CAPN1: variants seen among roughly 807,000 people sequenced by gnomAD.
The protein encoded by CAPN1 is calpain-1 catalytic subunit.
A neutral mutation model predicts 105.2 loss-of-function variants in CAPN1; 77 were observed. That is an observed-to-expected ratio of 0.73 (90% CI 0.61 to 0.88). The LOEUF (loss-of-function observed/expected upper bound fraction) is 0.88. CAPN1 is among the 40% of genes least tolerant of loss of function. The pLI is 0.00. For synonymous variants in CAPN1, 355 were observed against 388.8 expected (o/e 0.91, Z 1.02); for missense variants, 833 against 976.6 (o/e 0.85, Z 1.96).
chr11:65,205,907 G>C, intron 12 of CAPN1, 186 bp downstream of exon 12: 1 of 615,450 alleles, frequency 1.6e-6, no homozygotes, highest in Non-Finnish European at 2.9e-6. Context: ...GGTCAGCACA[G>C]GTAGTCAGTG....
Position 65,211,301 on chromosome 11 carries a change from C to G in CAPN1, c.*15C>G, listed in dbSNP as rs1949045543. The G allele has an allele frequency of 6.2e-7, 1 of 1,611,554 alleles. No individual in the cohort carries two copies. The highest frequency in any genetic ancestry group is 1.3e-5 in the African/African-American group (1 of 74,860). Reference sequence around the variant, plus strand: ...TGTTTGCATGAGGCAGGGACTCGGTCCCCCTTGCCGTGCTCCCCTCCCTCC... The same window carrying G: ...TGTTTGCATGAGGCAGGGACTCGGTGCCCCTTGCCGTGCTCCCCTCCCTCC... On this transcript the variant is annotated 3_prime_UTR_variant, in exon 22 of 22. Transcript: ENST00000279247.
Position 65,211,276 on chromosome 11 carries a change from T to C in CAPN1, c.2135T>C (p.Met712Thr). ...CTCCCGCAGTGGTTGCAGCTGACCA[T>C]GTTTGCATGAGGCAGGGACTCGGTC... Reference protein sequence around the residue: ...FDLFKWLQLTMFA With the variant: ...FDLFKWLQLTTFA The change falls in exon 22 of 22, where the codon ATG (methionine) becomes ACG (threonine). Residue 712 changes from methionine (M) to threonine (T), a missense_variant. By Grantham distance (81) the Met-to-Thr change is moderately conservative. Coordinates refer to ENST00000279247, the MANE Select transcript of CAPN1 (RefSeq NM_005186.4). 1.2e-6 allele frequency: 2 copies of C among 1,612,734 alleles called. No individual in the cohort carries two copies. The highest frequency in any genetic ancestry group is 3.3e-5 in the Admixed American group (2 of 59,972).
At position 65,205,717 on chromosome 11, in the gene CAPN1, C is replaced by T. The variant is rs368921672; in HGVS notation, c.1349C>T (p.Pro450Leu). The change falls in exon 12 of 22, where the codon CCG becomes CTG. Residue 450 changes from proline to leucine, a missense_variant. Physicochemically the swap from Pro to Leu is moderately conservative, Grantham distance 98 (BLOSUM62 -3). Coordinates refer to ENST00000279247, the MANE Select transcript of CAPN1 (RefSeq NM_005186.4). ...TIGFAVYEVP[P>L]ELVGQPAVHL... The stretch of plus-strand genomic sequence containing the variant: ...CCTGTCTCTCTATTGCAGGTCCCTC[C>T]GGAGGTAGGTGTGGCACCATGACCC... The T allele has an allele frequency of 4.3e-5, 69 of 1,613,544 alleles. No homozygotes were observed. Among genetic ancestry groups the T allele is most frequent in the South Asian group, 6.6e-5 (6 of 91,074 alleles).
At chr11:65,205,752 C>T (rs1948947671) in intron 12 of CAPN1, 31 bp downstream of exon 12, 1 of 1,608,838 alleles carries the variant, frequency 6.2e-7, no homozygotes, top group South Asian at 1.1e-5. Context: ...CACCTGCAGT[C>T]ACACACCCCT....
intron 6 of CAPN1, 84 bp downstream of exon 6, chr11:65,186,422 C>G: frequency 8.0e-7 from 1 of 1,255,092 alleles, no homozygotes; most frequent in Non-Finnish European, 1.1e-6. Context: ...CCCACCCAGG[C>G]TCCGCTCCAG....
At chr11:65,197,385 T>A (rs981905184) in intron 10 of CAPN1, among the ~76,000 whole-genome samples, 3 of 152,228 alleles carry the variant, frequency 2.0e-5, no homozygotes, top group Non-Finnish European at 4.4e-5. Flanking sequence ...AAACATTTTT[T>A]AAAATCTAGT....
chr11:65,195,100 GTTTTT>G (rs60778423), intron 10 of CAPN1, among the ~76,000 whole-genome samples: 1 of 90,906 alleles, frequency 1.1e-5, no homozygotes, highest in African/African-American at 3.4e-5. Context: ...GTTTTTTGGG[GTTTTT>G]TTTTTTTTTT....
intron 4 of CAPN1, among the ~76,000 whole-genome samples, chr11:65,185,411 T>C (rs1266533407): frequency 1.3e-5 from 2 of 151,928 alleles, no homozygotes; most frequent in Admixed American, 6.6e-5. Flanking sequence ...ATGGTAATTG[T>C]TTCGTTCAGA....
At chr11:65,199,032 A>G (rs183447827) in intron 10 of CAPN1, among the ~76,000 whole-genome samples, 9 of 152,216 alleles carry the variant, frequency 5.9e-5, no homozygotes, top group Non-Finnish European at 7.4e-5. Flanking sequence ...ATGGGGTTTC[A>G]CCATGTTGAC....
chr11:65,208,129 G>T lies in CAPN1; in HGVS notation c.1671+9G>T. 1 of 1,606,174 alleles carries T rather than the reference G, an allele frequency of 6.2e-7. No homozygotes were observed. Among genetic ancestry groups the T allele is most frequent in the African/African-American group, 1.3e-5 (1 of 74,886 alleles). ...GGCAGCTGGCAGGGGAGGTAGGTTG[G>T]GGCATGGCAGGTTGGGAGGGGCCTG... is the stretch of plus-strand genomic sequence containing the variant. On this transcript the variant is annotated intron_variant, in intron 15 of 21. Transcript: ENST00000279247. The surrounding 1 kb of genome is among the most constrained non-coding windows in gnomAD (Gnocchi z 4.1).
chr11:65,183,416 G>C, intron 3 of CAPN1, 58 bp from the exon 4 acceptor site: 3 of 1,368,482 alleles, frequency 2.2e-6, no homozygotes, highest in Non-Finnish European at 3.1e-6. Context: ...CCTAGCACCC[G>C]CTTCCCCCCC....
At chr11:65,197,091 G>A (rs1309347165) in intron 10 of CAPN1, among the ~76,000 whole-genome samples, 2 of 152,214 alleles carry the variant, frequency 1.3e-5, no homozygotes, top group Non-Finnish European at 2.9e-5. Context: ...ACTGGGATTT[G>A]AACCCAGGCA....
Position 65,204,827 on chromosome 11 carries a change from A to G in CAPN1, c.1310A>G (p.Asp437Gly), listed in dbSNP as rs1311565818. ...HRRRERRFGR[D>G]METIGFAVYE... ...CGCCGCGAGCGCCGCTTCGGCCGCG[A>G]CATGGAGACTATTGGCTTCGCGGTC... Residue 437 changes from aspartate (D) to glycine (G), a missense_variant, in exon 11 of 22, where the codon GAC becomes GGC. Physicochemically the swap from Asp to Gly is moderately conservative, Grantham distance 94. Coordinates refer to ENST00000279247, the MANE Select transcript of CAPN1 (RefSeq NM_005186.4). The G allele has an allele frequency of 1.9e-6, 3 of 1,611,780 alleles. No homozygotes were observed. Among genetic ancestry groups the G allele is most frequent in the Non-Finnish European group, 1.7e-6 (2 of 1,179,050 alleles).
Position 65,188,235 on chromosome 11 carries a change from T to G in CAPN1, c.930-179T>G. The stretch of plus-strand genomic sequence containing the variant: ...CCCCTGTGCCCAGCCGTCGGGTGTG[T>G]GCAGGGCATCAGACTGGCCCTGATG... On this transcript the variant is annotated intron_variant, in intron 8 of 21. Transcript: ENST00000279247. This position sits in a 1 kb window ranked among gnomAD's most constrained non-coding sequence, Gnocchi z 5.5. 2.9e-6 allele frequency: 2 copies of G among 689,396 alleles called. No homozygotes were observed. The highest frequency in any genetic ancestry group is 3.8e-5 in the South Asian group (2 of 52,978). 42.7% of individuals were successfully genotyped at this position (689,396 alleles called of 1,614,324 possible). A position where few individuals can be genotyped will look rare whatever the true frequency, so the allele number is the denominator to read the frequency against.
intron 12 of CAPN1, chr11:65,206,097 C>T (rs1198724556): frequency 5.9e-6 from 3 of 505,440 alleles, no homozygotes; most frequent in African/African-American, 5.7e-5. Flanking sequence ...AAGCTCCGAG[C>T]CTGTGTTTGT....
chr11:65,185,995 C>G lies in CAPN1; in HGVS notation c.535C>G (p.His179Asp), dbSNP rs1352242227. ...CAAGGACGGGAAGCTAGTGTTCGTG[C>G]ACTCTGCCGAAGGCAACGAGTTCTG... ...PIKDGKLVFV[H>D]SAEGNEFWSA... Residue 179 changes from histidine to aspartate, a missense_variant, in exon 5 of 22, where the codon CAC becomes GAC. Transcript: ENST00000279247. 6.2e-7 allele frequency: 1 copy of G among 1,607,990 alleles called. No homozygotes were observed. The highest frequency in any genetic ancestry group is 1.7e-5 in the Admixed American group (1 of 59,014).
chr11:65,210,570 C>A lies in CAPN1; in HGVS notation c.2059+118C>A. On this transcript the variant is annotated intron_variant, in intron 20 of 21. Transcript: ENST00000279247. The surrounding 1 kb of genome is among the most constrained non-coding windows in gnomAD (Gnocchi z 4.3). ...TACAGGCCAGTGCTGTGGGTGTGTGCCAGAGAGGCCTGGGTCTGGGTTTGG... is the reference window on the plus strand; with the variant it reads ...TACAGGCCAGTGCTGTGGGTGTGTGACAGAGAGGCCTGGGTCTGGGTTTGG... 1 of 748,100 alleles carries A rather than the reference C, an allele frequency of 1.3e-6. No homozygotes were observed. Among genetic ancestry groups the A allele is most frequent in the South Asian group, 1.6e-5 (1 of 63,648 alleles). 46.3% of individuals were successfully genotyped at this position (748,100 alleles called of 1,614,324 possible).
intron 12 of CAPN1, 36 bp downstream of exon 12, chr11:65,205,757 A>AC: frequency 6.2e-7 from 1 of 1,606,476 alleles, no homozygotes; most frequent in Non-Finnish European, 8.5e-7. Flanking sequence ...GCAGTCACAC[A>AC]CCCCTGATGG....
intron 11 of CAPN1, 94 bp from the exon 12 acceptor site, chr11:65,205,616 C>A: frequency 8.0e-7 from 1 of 1,243,646 alleles, no homozygotes; most frequent in Non-Finnish European, 1.2e-6. Context: ...CCCATCAGTC[C>A]CGTCTAAGAA....
Sources: allele counts gnomAD v4.1 joint callset (sites outside exome capture counted in the v4.1 genomes callset), GRCh38; gene constraint gnomAD v4.1.1; non-coding constraint Gnocchi (gnomAD v3.1); transcripts MANE v1.5; gene names NCBI Gene and HGNC (gene_info 2026-07-23, HGNC 2026-07-21).